CCDC146: variants seen among roughly 807,000 people sequenced by gnomAD.
The protein encoded by CCDC146 is coiled-coil domain containing 146.
In CCDC146, 92 loss-of-function variants were observed where a neutral mutation model predicts 119.3. The ratio of observed to expected loss-of-function variants is 0.77; its 90% confidence interval spans 0.65 to 0.92. The LOEUF (loss-of-function observed/expected upper bound fraction) is 0.92. Among genes scored for constraint, CCDC146 ranks in the 40% least tolerant of loss-of-function variants. The probability of loss-of-function intolerance (pLI) is 0.00; values close to 1 mark genes in which losing one functional copy is unlikely to be tolerated. For synonymous variants in CCDC146, 372 were observed against 371.8 expected, an observed-to-expected ratio of 1.00 and a Z score of -0.01; for missense variants, 1,000 against 1,103.0, an observed-to-expected ratio of 0.91 and a Z score of 1.32.
intron 16 of CCDC146, 40 bp from the exon 17 acceptor site, chr7:77,287,400 A>AC (rs775009073): frequency 1.2e-6 from 2 of 1,600,524 alleles, no homozygotes. Flanking sequence ...GTCTTAGATG[A>AC]CTTTTTTTTT....
chr7:77,233,076 C>T (rs1792662928), intron 2 of CCDC146, among the ~76,000 whole-genome samples: 1 of 135,922 alleles, frequency 7.4e-6, no homozygotes, highest in South Asian at 2.4e-4. Context: ...ATCAATGCTT[C>T]TTTTGTTTCT....
intron 2 of CCDC146, among the ~76,000 whole-genome samples, chr7:77,181,472 G>A (rs1363136576): frequency 6.6e-6 from 1 of 152,176 alleles, no homozygotes; most frequent in Non-Finnish European, 1.5e-5. Flanking sequence ...TCCCAAACAA[G>A]GTGTATGCAG....
intron 4 of CCDC146, among the ~76,000 whole-genome samples, chr7:77,252,410 A>T (rs1793093248): frequency 6.6e-6 from 1 of 152,216 alleles, no homozygotes; most frequent in Non-Finnish European, 1.5e-5. Context: ...AAAAATGAAG[A>T]AAAAATCTTG....
At chr7:77,228,670 T>C (rs916696116) in intron 2 of CCDC146, among the ~76,000 whole-genome samples, 2 of 152,222 alleles carry the variant, frequency 1.3e-5, no homozygotes, top group Non-Finnish European at 2.9e-5. Flanking sequence ...TTTGGGTATA[T>C]ACCCATTAAT....
At chr7:77,171,358 A>G (rs1791418159) in intron 2 of CCDC146, among the ~76,000 whole-genome samples, 1 of 152,184 alleles carries the variant, frequency 6.6e-6, no homozygotes, top group Non-Finnish European at 1.5e-5. Context: ...TTAATGATCA[A>G]CACCAGAGTC....
At position 77,293,114 on chromosome 7, in the gene CCDC146, C is replaced by A. The variant is rs1254710491; in HGVS notation, c.2578C>A (p.Pro860Thr). The A allele has an allele frequency of 2.5e-6, 4 of 1,614,014 alleles. No homozygotes were observed. The highest frequency in any genetic ancestry group is 2.5e-6 in the Non-Finnish European group (3 of 1,179,952). Residue 860 changes from proline (P) to threonine (T), a missense_variant, in exon 18 of 19, where the codon CCA (proline) becomes ACA (threonine). By Grantham distance (38) the Pro-to-Thr change is conservative. Coordinates refer to ENST00000285871, the MANE Select transcript of CCDC146 (RefSeq NM_020879.3). ...CAATTCCAGGATAGAAAAAGGTCTGCCACTCAATAAGGAAATTGAGAAAGA... is the reference window on the plus strand; with the variant it reads ...CAATTCCAGGATAGAAAAAGGTCTGACACTCAATAAGGAAATTGAGAAAGA... ...TCNSRIEKGL[P>T]LNKEIEKEWL...
rs565217135 is a variant in CCDC146, at chr7:77,241,206, C to T, written c.240-485C>T. Among the ~76,000 whole-genome samples, 611 of 143,734 alleles carry T rather than the reference C, an allele frequency of 4.3e-3. 14 individuals carry two copies. The highest frequency in any genetic ancestry group is 0.014 in the African/African-American group (569 of 40,460). The allele number at this position is 143,734 out of a possible 152,430, so 94.3% of individuals were successfully genotyped here. ...CCGAGTAGCTGGGACTACAGGCGCCCGCCACCATGCCCAGCTAATTTTTTG... is the reference window on the plus strand; with the variant it reads ...CCGAGTAGCTGGGACTACAGGCGCCTGCCACCATGCCCAGCTAATTTTTTG... On this transcript the variant is annotated intron_variant, in intron 3 of 18. Transcript: ENST00000285871.
Position 77,189,731 on chromosome 7 carries a change from A to G in CCDC146, c.156+21907A>G, listed in dbSNP as rs140565863. ...ACACAGACATCTTTGCTGACCTTCA[A>G]ACATGCTATCCACTCTTCCAGGCTT... is the stretch of plus-strand genomic sequence containing the variant. On this transcript the variant is annotated intron_variant, in intron 2 of 18. Transcript: ENST00000285871. 6.6e-3 allele frequency among the ~76,000 whole-genome samples: 1,012 copies of G among 152,300 alleles called. 13 individuals carry two copies. Among genetic ancestry groups the G allele is most frequent in the East Asian group, 0.063 (325 of 5,178 alleles).
At chr7:77,130,976 C>T (rs1790778412) in intron 1 of CCDC146, among the ~76,000 whole-genome samples, 1 of 151,660 alleles carries the variant, frequency 6.6e-6, no homozygotes, top group Non-Finnish European at 1.5e-5. Context: ...ACTGCAACCT[C>T]TGCCTCCCAG....
intron 11 of CCDC146, among the ~76,000 whole-genome samples, chr7:77,277,426 ATTC>A (rs1793670351): frequency 6.6e-6 from 1 of 152,204 alleles, no homozygotes; most frequent in African/African-American, 2.4e-5. Flanking sequence ...AAAATAGACA[ATTC>A]TTCTTGAGAT....
chr7:77,146,788 C>G (rs891002571), intron 1 of CCDC146, among the ~76,000 whole-genome samples: 1 of 152,246 alleles, frequency 6.6e-6, no homozygotes, highest in African/African-American at 2.4e-5. Flanking sequence ...CACTGTTAGT[C>G]TGATGGGTTT....
In CCDC146 at chr7:77,259,939, AGTGTGTGTGTGTGTGTGT is replaced by A. The variant is rs58669153; in HGVS notation, c.759-29_759-12del. On this transcript the variant is annotated intron_variant, in intron 7 of 18. Coordinates refer to ENST00000285871, the MANE Select transcript of CCDC146 (RefSeq NM_020879.3). Reference sequence around the variant, plus strand: ...GCCAGCATGGCCTCAAAATAAGGCAAGTGTGTGTGTGTGTGTGTGTGTGTGTGTGTGTGTGTGTGTGTG... The same window carrying A: ...GCCAGCATGGCCTCAAAATAAGGCAAGTGTGTGTGTGTGTGTGTGTGTGTG... 3,014 of 757,116 alleles carry A rather than the reference AGTGTGTGTGTGTGTGTGT, an allele frequency of 4.0e-3. 4 individuals carry two copies. The highest frequency in any genetic ancestry group is 0.01 in the African/African-American group (515 of 50,836). 46.9% of individuals were successfully genotyped at this position (757,116 alleles called of 1,614,324 possible). A position where few individuals can be genotyped will look rare whatever the true frequency, so the allele number is the denominator to read the frequency against.
At chr7:77,278,359 G>A (rs759341359) in intron 11 of CCDC146, among the ~76,000 whole-genome samples, 1 of 151,412 alleles carries the variant, frequency 6.6e-6, no homozygotes, top group Non-Finnish European at 1.5e-5. Flanking sequence ...ATGTGAATCA[G>A]TTCAGCTAGC....
At chr7:77,191,346 G>A (rs562823936) in intron 2 of CCDC146, among the ~76,000 whole-genome samples, 5 of 152,026 alleles carry the variant, frequency 3.3e-5, no homozygotes, top group African/African-American at 4.8e-5. Context: ...TCTCATATCC[G>A]CAGATTTGAC....
At chr7:77,281,114 A>AAAC (rs1296985803) in intron 14 of CCDC146, among the ~76,000 whole-genome samples, 5 of 60,772 alleles carry the variant, frequency 8.2e-5, no homozygotes, top group African/African-American at 2.5e-4. Context: ...AAAAACAAAC[A>AAAC]AAAAAAAAAA....
At chr7:77,230,504 G>GTGTGTGTT (rs1792605497) in intron 2 of CCDC146, among the ~76,000 whole-genome samples, 1 of 149,226 alleles carries the variant, frequency 6.7e-6, no homozygotes, top group Non-Finnish European at 1.5e-5. Flanking sequence ...ATGTGTGTGT[G>GTGTGTGTT]TGTGTGTGTG....
rs148095928 is a variant in CCDC146, at chr7:77,202,311, A to G, written c.156+34487A>G. 1.9e-3 allele frequency among the ~76,000 whole-genome samples: 282 copies of G among 152,340 alleles called. 2 individuals are homozygous for G. Among genetic ancestry groups the G allele is most frequent in the African/African-American group, 6.5e-3 (272 of 41,570 alleles). Reference sequence around the variant, plus strand: ...TCTTCACGTTGGACTTTGAAATGAAATCTTAAGTACTTTTTAAAGTTTCTA... The same window carrying G: ...TCTTCACGTTGGACTTTGAAATGAAGTCTTAAGTACTTTTTAAAGTTTCTA... On this transcript the variant is annotated intron_variant, in intron 2 of 18. Coordinates refer to ENST00000285871, the MANE Select transcript of CCDC146 (RefSeq NM_020879.3).
chr7:77,214,219 AT>A (rs555272404), intron 2 of CCDC146, among the ~76,000 whole-genome samples: 3 of 152,090 alleles, frequency 2.0e-5, no homozygotes, highest in South Asian at 2.1e-4. Context: ...GATGACAAGC[AT>A]TTTTTCATAT....
chr7:77,254,850 A>T (rs1793147813), intron 5 of CCDC146, among the ~76,000 whole-genome samples: 1 of 152,244 alleles, frequency 6.6e-6, no homozygotes, highest in Non-Finnish European at 1.5e-5. Flanking sequence ...GACACTAAAA[A>T]TATTATTTTG....
Sources: allele counts gnomAD v4.1 joint callset (sites outside exome capture counted in the v4.1 genomes callset), GRCh38; gene constraint gnomAD v4.1.1; transcripts MANE v1.5; gene names NCBI Gene and HGNC (gene_info 2026-07-23, HGNC 2026-07-21).